PDE4B: variants seen among roughly 807,000 people sequenced by gnomAD.
PDE4B encodes 3',5'-cyclic-AMP phosphodiesterase 4B.
A neutral mutation model predicts 82.2 loss-of-function variants in PDE4B; 20 were observed. The ratio of observed to expected loss-of-function variants is 0.24; its 90% confidence interval spans 0.17 to 0.35. PDE4B has a LOEUF of 0.35. Ranked by LOEUF, PDE4B falls within the 10% of genes least tolerant of loss-of-function variation. PDE4B has a pLI of 1.00. For missense variants in PDE4B, 655 were observed against 907.2 expected (o/e 0.72, Z 3.57); for synonymous variants, 320 against 318.9 (o/e 1.00, Z -0.04).
At chr1:65,887,823 G>A (rs1044313236) in intron 1 of PDE4B, among the ~76,000 whole-genome samples, 1 of 151,892 alleles carries the variant, frequency 6.6e-6, no homozygotes, top group South Asian at 2.1e-4. Context: ...TAACTTGTTT[G>A]AGTTCCTTCT....
intron 7 of PDE4B, among the ~76,000 whole-genome samples, chr1:66,272,779 C>CTT (rs869201227): frequency 0.33 from 20,692 of 61,984 alleles, 3,678 homozygotes; most frequent in Non-Finnish European, 0.42. Context: ...TACTAGAATT[C>CTT]TTTTTTTTTT....
chr1:65,882,729 G>A (rs951094142), intron 1 of PDE4B, among the ~76,000 whole-genome samples: 2 of 151,794 alleles, frequency 1.3e-5, no homozygotes, highest in Non-Finnish European at 2.9e-5. Context: ...TTCATAGAAT[G>A]ATGAATAATG....
chr1:65,796,865 G>T (rs1233386180), intron 1 of PDE4B, among the ~76,000 whole-genome samples: 1 of 151,782 alleles, frequency 6.6e-6, no homozygotes, highest in East Asian at 1.9e-4. Flanking sequence ...TGGCTAGGAT[G>T]GTCCCGATCT....
intron 3 of PDE4B, among the ~76,000 whole-genome samples, chr1:66,153,386 G>A (rs1408834411): frequency 6.6e-6 from 1 of 152,168 alleles, no homozygotes; most frequent in Non-Finnish European, 1.5e-5. Context: ...TGTCCTTGAA[G>A]TAAAGCCTCC....
At chr1:66,179,513 GAA>G in intron 3 of PDE4B, among the ~76,000 whole-genome samples, 2 of 151,302 alleles carry the variant, frequency 1.3e-5, no homozygotes, top group African/African-American at 2.4e-5. Flanking sequence ...GTATTTGAAG[GAA>G]AAAAAAAGTA....
chr1:66,139,301 C>A (rs1646120931), intron 3 of PDE4B, among the ~76,000 whole-genome samples: 1 of 152,168 alleles, frequency 6.6e-6, no homozygotes, highest in Admixed American at 6.5e-5. Context: ...GTTCCTTGTG[C>A]CTGTAGGGCT....
chr1:66,224,737 A>ATAC (rs1461093682), intron 3 of PDE4B, among the ~76,000 whole-genome samples: 3 of 152,268 alleles, frequency 2.0e-5, no homozygotes, highest in Non-Finnish European at 4.4e-5. Flanking sequence ...AATAATAATA[A>ATAC]TAGTCAAGCA....
intron 3 of PDE4B, among the ~76,000 whole-genome samples, chr1:65,981,428 A>C (rs1227153054): frequency 6.6e-6 from 1 of 152,158 alleles, no homozygotes; most frequent in Non-Finnish European, 1.5e-5. Flanking sequence ...GTTGTCCTGA[A>C]ATATGAAATT....
intron 3 of PDE4B, among the ~76,000 whole-genome samples, chr1:65,978,938 G>A (rs2503198): frequency 0.98 from 149,345 of 152,322 alleles, 73,272 homozygotes; most frequent in Middle Eastern, 1. Context: ...CCCCATAATT[G>A]TTACTGCTTT....
At chr1:65,946,196 G>A (rs144749981) in intron 3 of PDE4B, among the ~76,000 whole-genome samples, 24 of 152,062 alleles carry the variant, frequency 1.6e-4, no homozygotes, top group African/African-American at 5.8e-4. Context: ...GCGGGTTTGT[G>A]ACATATGTTT....
intron 3 of PDE4B, among the ~76,000 whole-genome samples, chr1:66,022,095 G>A (rs1306085794): frequency 2.0e-5 from 3 of 152,190 alleles, no homozygotes; most frequent in Middle Eastern, 3.4e-3. Flanking sequence ...GAGTTCACTC[G>A]TGATTTGGCT....
intron 3 of PDE4B, among the ~76,000 whole-genome samples, chr1:65,948,813 C>T (rs529307639): frequency 6.6e-6 from 1 of 152,112 alleles, no homozygotes; most frequent in East Asian, 1.9e-4. Flanking sequence ...CAACATCTTT[C>T]TTGTTTTTCA....
intron 3 of PDE4B, among the ~76,000 whole-genome samples, chr1:65,949,984 T>C (rs146754447): frequency 6.6e-6 from 1 of 152,210 alleles, no homozygotes; most frequent in East Asian, 1.9e-4. Context: ...TCTGATGCAC[T>C]GCTAACAATT....
intron 3 of PDE4B, among the ~76,000 whole-genome samples, chr1:66,204,439 C>T (rs957304013): frequency 6.6e-6 from 1 of 152,252 alleles, no homozygotes; most frequent in African/African-American, 2.4e-5. Context: ...GTGCCCTGCC[C>T]CCATAGGTGG....
At chr1:66,273,741 T>C (rs950298849) in intron 7 of PDE4B, among the ~76,000 whole-genome samples, 3 of 152,224 alleles carry the variant, frequency 2.0e-5, no homozygotes, top group African/African-American at 7.2e-5. Flanking sequence ...GCTCAATAAA[T>C]GTTTATGGAC....
At chr1:65,981,829 C>T (rs561563966) in intron 3 of PDE4B, among the ~76,000 whole-genome samples, 2 of 152,220 alleles carry the variant, frequency 1.3e-5, no homozygotes, top group South Asian at 4.1e-4. Context: ...TTCTCTCTTT[C>T]TCTTTCTGCC....
At chr1:66,288,930 A>G (rs1656874852) in intron 7 of PDE4B, among the ~76,000 whole-genome samples, 1 of 152,206 alleles carries the variant, frequency 6.6e-6, no homozygotes, top group Admixed American at 6.6e-5. Flanking sequence ...GCTCTGCTTT[A>G]GTTCTGTGGT....
Position 65,798,649 on chromosome 1 carries a change from C to T in PDE4B, c.-71+5401C>T, listed in dbSNP as rs568491350. Among the ~76,000 whole-genome samples, 8 of 152,264 alleles carry T rather than the reference C, an allele frequency of 5.3e-5. No homozygotes were observed. The East Asian group carries it at 1.4e-3, about 26-fold the overall frequency. The stretch of plus-strand genomic sequence containing the variant: ...GATTACAGGCGTAAGCCACTGCACC[C>T]GGCTTTTTAAAAACACTCTAGTTTA... On this transcript the variant is annotated intron_variant, in intron 1 of 16. Coordinates refer to ENST00000341517, the MANE Select transcript of PDE4B (RefSeq NM_002600.4).
rs551774417 is a variant in PDE4B, at chr1:66,369,254, TG to T, written c.1845+286del. Among the ~76,000 whole-genome samples, 462 of 152,374 alleles carry T rather than the reference TG, an allele frequency of 3.0e-3. 2 individuals carry two copies. The highest frequency in any genetic ancestry group is 5.0e-3 in the Non-Finnish European group (341 of 68,042). On this transcript the variant is annotated intron_variant, in intron 16 of 16. Coordinates refer to ENST00000341517, the MANE Select transcript of PDE4B (RefSeq NM_002600.4). ...TGTTAGCAAATCCAGCTGAATAATA[TG>T]AACATCAGTGTCTCCTCCATCCCAA...
Sources: gnomAD v4.1 joint callset for allele counts (sites outside exome capture counted in the v4.1 genomes callset) on GRCh38, gnomAD v4.1.1 for gene constraint, MANE v1.5 for transcripts, NCBI Gene and HGNC (gene_info 2026-07-23, HGNC 2026-07-21) for gene names.